ASMTL: variants seen among roughly 807,000 people sequenced by gnomAD.
ASMTL encodes the protein probable bifunctional dTTP/UTP pyrophosphatase/methyltransferase protein.
A neutral mutation model predicts 60.3 loss-of-function variants in ASMTL; 57 were observed. That is an observed-to-expected ratio of 0.95 (90% confidence interval 0.76 to 1.18). ASMTL has a LOEUF of 1.18. ASMTL is among the 50% of genes most tolerant of loss of function. ASMTL has a pLI of 0.00. For synonymous variants in ASMTL, 419 were observed against 373.0 expected, an observed-to-expected ratio of 1.12 and a Z score of -1.42; for missense variants, 981 against 852.6, an observed-to-expected ratio of 1.15 and a Z score of -1.88.
At position 1,427,975 on chromosome X, in the gene ASMTL, T is replaced by A. The variant is rs750892989; in HGVS notation, c.656A>T (p.Asp219Val). Residue 219 changes from aspartate (D) to valine (V), a missense_variant, in exon 7 of 13, where the codon GAC becomes GTC. Transcript: ENST00000381317. ...VKLYYPPRPE[D>V]LRRSVKHDSI... ...GTCGTGCTTGACACTCCGCCGCAGG[T>A]CCTCCGGACGGGGCGGGTAGTAGAG... 1 of 1,613,420 alleles carries A rather than the reference T, an allele frequency of 6.2e-7. No homozygotes were observed. The highest frequency in any genetic ancestry group is 8.5e-7 in the Non-Finnish European group (1 of 1,179,818).
At chrX:1,428,469 C>T (rs1164033617) in intron 6 of ASMTL, among the ~76,000 whole-genome samples, 1 of 151,628 alleles carries the variant, frequency 6.6e-6, no homozygotes, top group Non-Finnish European at 1.5e-5. Context: ...CGGTGAAACC[C>T]CATCTCTACT....
intron 12 of ASMTL, among the ~76,000 whole-genome samples, chrX:1,410,887 C>G (rs2089991047): frequency 6.7e-6 from 1 of 149,408 alleles, no homozygotes; most frequent in Non-Finnish European, 1.5e-5. Flanking sequence ...GAGACCTCGT[C>G]TCAAAAAATA....
chrX:1,410,495 A>G (rs1280150854), intron 12 of ASMTL, among the ~76,000 whole-genome samples: 5 of 151,920 alleles, frequency 3.3e-5, no homozygotes, highest in Admixed American at 6.6e-5. Flanking sequence ...GCTCACTGCA[A>G]CCTTCGCCTC....
chrX:1,433,180 G>C (rs759762346), intron 5 of ASMTL, among the ~76,000 whole-genome samples: 2 of 152,284 alleles, frequency 1.3e-5, no homozygotes, highest in East Asian at 1.9e-4. Flanking sequence ...CGGGGAATCT[G>C]TTGAGTGACA....
upstream of ASMTL, chrX:1,453,027 C>T: frequency 7.6e-6 from 4 of 528,630 alleles, no homozygotes; most frequent in Non-Finnish European, 1.3e-5. Context: ...GCCCAGGCCA[C>T]GCCTCCATTG....
intron 4 of ASMTL, 141 bp downstream of exon 4, chrX:1,435,553 C>G: frequency 1.3e-6 from 1 of 793,100 alleles, no homozygotes; most frequent in Admixed American, 2.0e-5. Flanking sequence ...CTGCATAGCT[C>G]AGACAGCACA....
chrX:1,417,713 CGGATGCAG>C (rs2090343745), intron 11 of ASMTL, among the ~76,000 whole-genome samples: 1 of 114,964 alleles, frequency 8.7e-6, no homozygotes, highest in Admixed American at 1.0e-4. Flanking sequence ...CACACACATG[CGGATGCAG>C]ACACACACAC....
At chrX:1,441,991 T>A (rs2091119675) in intron 2 of ASMTL, 195 bp downstream of exon 2, 1 of 639,890 alleles carries the variant, frequency 1.6e-6, no homozygotes, top group Admixed American at 2.9e-5. Context: ...ATAAGCTCCA[T>A]TAATTCTGTA....
In ASMTL at chrX:1,421,712, C is replaced by G; in HGVS notation, c.1191G>C (p.Glu397Asp). Residue 397 changes from glutamate (E) to aspartate (D), a missense_variant, in exon 9 of 13, where the codon GAG becomes GAC. By Grantham distance (45) the Glu-to-Asp change is conservative. Transcript: ENST00000381317. Reference sequence around the variant, plus strand: ...ACGCCCTGTGGTGCTGGTTTGTTCCCTCTCGGATGGCAAACTCCAGGTATG... The same window carrying G: ...ACGCCCTGTGGTGCTGGTTTGTTCCGTCTCGGATGGCAAACTCCAGGTATG... ...LFTYLEFAIR[E>D]GTNQHHRALG... 6.2e-7 allele frequency: 1 copy of G among 1,613,930 alleles called. No individual in the cohort carries two copies. The highest frequency in any genetic ancestry group is 1.1e-5 in the South Asian group (1 of 91,064).
intron 3 of ASMTL, among the ~76,000 whole-genome samples, chrX:1,438,827 G>A (rs770091853): frequency 1.2e-4 from 18 of 152,174 alleles, no homozygotes; most frequent in African/African-American, 3.4e-4. Flanking sequence ...GGGTTTTACC[G>A]TGTTGGTCGG....
intron 9 of ASMTL, among the ~76,000 whole-genome samples, chrX:1,421,220 C>T (rs2090477471): frequency 6.6e-6 from 1 of 152,078 alleles, no homozygotes; most frequent in African/African-American, 2.4e-5. Flanking sequence ...CCACCTTGGC[C>T]TCCCAAACTA....
chrX:1,417,065 C>T (rs2090310090), intron 11 of ASMTL, among the ~76,000 whole-genome samples: 2 of 151,750 alleles, frequency 1.3e-5, no homozygotes, highest in Admixed American at 1.3e-4. Context: ...CACATATCCA[C>T]ACAGACACAC....
intron 1 of ASMTL, among the ~76,000 whole-genome samples, chrX:1,446,774 C>T (rs1432446916): frequency 1.3e-5 from 2 of 152,170 alleles, no homozygotes; most frequent in African/African-American, 4.8e-5. Flanking sequence ...GCTGGGATTA[C>T]AGGCATGAGC....
At chrX:1,448,778 CACACCGCCATCTTGGATAA>C (rs1361264558) in intron 1 of ASMTL, among the ~76,000 whole-genome samples, 10 of 151,880 alleles carry the variant, frequency 6.6e-5, no homozygotes, top group Non-Finnish European at 1.5e-4. Context: ...ATCTTGGACA[CACACCGCCATCTTGGATAA>C]GCACCACCAT....
At chrX:1,433,871 G>A (rs1458130753) in intron 5 of ASMTL, among the ~76,000 whole-genome samples, 1 of 152,064 alleles carries the variant, frequency 6.6e-6, no homozygotes, top group Non-Finnish European at 1.5e-5. Flanking sequence ...AAAACCCCAA[G>A]CTGGGAAGGA....
intron 12 of ASMTL, among the ~76,000 whole-genome samples, chrX:1,404,713 G>T (rs1435801134): frequency 6.6e-6 from 1 of 150,494 alleles, no homozygotes; most frequent in Non-Finnish European, 1.5e-5. Context: ...TGGACAGATG[G>T]ATGCATGGAT....
intron 12 of ASMTL, among the ~76,000 whole-genome samples, chrX:1,407,227 G>A (rs186667384): frequency 1.6e-4 from 24 of 149,864 alleles, no homozygotes; most frequent in African/African-American, 5.5e-4. Flanking sequence ...GATGGTAGAT[G>A]ATGGGTAGGT....
At chrX:1,417,728 A>G (rs1339982864) in intron 11 of ASMTL, among the ~76,000 whole-genome samples, 2 of 148,386 alleles carry the variant, frequency 1.3e-5, no homozygotes, top group Non-Finnish European at 3.0e-5. Flanking sequence ...GCAGACACAC[A>G]CACACACAGA....
intron 1 of ASMTL, among the ~76,000 whole-genome samples, chrX:1,446,683 T>C (rs1306474620): frequency 6.6e-6 from 1 of 152,036 alleles, no homozygotes; most frequent in Admixed American, 6.5e-5. Flanking sequence ...GTAATTTTAG[T>C]AGAGACGGGG....
Sources: gnomAD v4.1 joint callset for allele counts (sites outside exome capture counted in the v4.1 genomes callset) on GRCh38, gnomAD v4.1.1 for gene constraint, MANE v1.5 for transcripts, NCBI Gene and HGNC (gene_info 2026-07-23, HGNC 2026-07-21) for gene names.